The following SLC48A1 variants were observed in gnomAD, a reference collection of about 807,000 sequenced individuals.
SLC48A1 encodes the protein solute carrier family 48 member 1.
Under a neutral mutation model 14.8 loss-of-function variants are expected in SLC48A1, and 6 were observed. That is an observed-to-expected ratio of 0.41 (90% CI 0.22 to 0.80). The LOEUF (loss-of-function observed/expected upper bound fraction) is 0.80. Ranked by LOEUF, SLC48A1 falls within the 30% of genes least tolerant of loss-of-function variation. The pLI, the probability that SLC48A1 is intolerant of heterozygous loss-of-function variation, is 0.34. For synonymous variants in SLC48A1, 89 were observed against 90.0 expected, an observed-to-expected ratio of 0.99 and a Z score of 0.06; for missense variants, 165 against 204.8, an observed-to-expected ratio of 0.81 and a Z score of 1.19.
chr12:47,762,983 C>A (rs1040263136), intron 2 of SLC48A1, among the ~76,000 whole-genome samples: 1 of 152,202 alleles, frequency 6.6e-6, no homozygotes, highest in African/African-American at 2.4e-5. Flanking sequence ...TTGGAATTAT[C>A]TTTTATCTCC....
chr12:47,758,315 C>A (rs1435859749), upstream of SLC48A1: 5 of 1,434,508 alleles, frequency 3.5e-6, no homozygotes, highest in African/African-American at 1.4e-5. Flanking sequence ...CCTTCTTAGT[C>A]CTCTTTGGAA....
chr12:47,773,088 G>A (rs1433698641), upstream of SLC48A1: 8 of 615,572 alleles, frequency 1.3e-5, no homozygotes, highest in Non-Finnish European at 1.4e-5. Context: ...CAAACGACAC[G>A]GCAGCTTCGC....
rs1202990992 is a variant in SLC48A1 at position 47,777,728 on chromosome 12, CT to C, written c.137-1298del. Among the ~76,000 whole-genome samples the C allele has an allele frequency of 2.0e-5, 3 of 152,218 alleles. No individual in the cohort carries two copies. Among genetic ancestry groups the C allele is most frequent in the African/African-American group, 7.2e-5 (3 of 41,438 alleles). The stretch of plus-strand genomic sequence containing the variant: ...AAGGATAGATGATTTAACAAACACC[CT>C]TATAACCCAGCCTGAGAAAACAGCG... On this transcript the variant is annotated intron_variant, in intron 1 of 2. Transcript: ENST00000442218. This position sits in a 1 kb window ranked among gnomAD's most constrained non-coding sequence, Gnocchi z 4.5.
chr12:47,763,729 T>C (rs1942444389), intron 2 of SLC48A1, among the ~76,000 whole-genome samples: 1 of 152,144 alleles, frequency 6.6e-6, no homozygotes, highest in Non-Finnish European at 1.5e-5. Context: ...CAGTCACTCA[T>C]GAGCCACTTA....
intron 1 of SLC48A1, among the ~76,000 whole-genome samples, chr12:47,759,341 C>T (rs1286372793): frequency 6.6e-6 from 1 of 152,228 alleles, no homozygotes; most frequent in African/African-American, 2.4e-5. Context: ...AGGGAATAGG[C>T]GGCTTTCCCG....
chr12:47,770,748 G>A (rs1290709511), upstream of SLC48A1: 2 of 449,692 alleles, frequency 4.4e-6, no homozygotes, highest in Admixed American at 2.4e-5. Context: ...AGGGGAGGGG[G>A]ACAGCCTTCT....
At chr12:47,763,093 T>C (rs1021870717) in intron 2 of SLC48A1, among the ~76,000 whole-genome samples, 6 of 152,174 alleles carry the variant, frequency 3.9e-5, no homozygotes, top group African/African-American at 1.4e-4. Flanking sequence ...ACAGGAACAG[T>C]GGGCAGTCAG....
chr12:47,776,714 C>A (rs559767699), intron 1 of SLC48A1, among the ~76,000 whole-genome samples: 14 of 152,300 alleles, frequency 9.2e-5, no homozygotes, highest in African/African-American at 3.4e-4. Context: ...CCCCAAATGG[C>A]TGTCTTCCTC....
chr12:47,780,135 C>A lies in SLC48A1; in HGVS notation c.305-10C>A. 6.4e-7 allele frequency: 1 copy of A among 1,566,508 alleles called. No homozygotes were observed. Among genetic ancestry groups the A allele is most frequent in the Admixed American group, 1.9e-5 (1 of 53,944 alleles). ...TGCCAAAGTCACTGTCGGTACTTCT[C>A]TCCCTGCAGGCCTCACAGACCCCAC... On this transcript the variant is annotated splice_polypyrimidine_tract_variant and intron_variant, in intron 2 of 2. Coordinates refer to ENST00000442218, the MANE Select transcript of SLC48A1 (RefSeq NM_017842.3).
chr12:47,772,263 T>G (rs980597565), upstream of SLC48A1: 3 of 154,846 alleles, frequency 1.9e-5, no homozygotes, highest in African/African-American at 4.8e-5. Flanking sequence ...GGCCGGAAGC[T>G]GGGCTCACGT....
chr12:47,773,809 AACACAC>A (rs34356737), intron 1 of SLC48A1, among the ~76,000 whole-genome samples: 110 of 150,718 alleles, frequency 7.3e-4, no homozygotes, highest in African/African-American at 2.6e-3. Flanking sequence ...CCTATCCCCA[AACACAC>A]ACACACACAC....
chr12:47,764,884 C>A (rs964653408), intron 2 of SLC48A1, among the ~76,000 whole-genome samples: 4 of 151,928 alleles, frequency 2.6e-5, no homozygotes, highest in Non-Finnish European at 5.9e-5. Context: ...CGAGACCATC[C>A]TGGCCAACAT....
upstream of SLC48A1, chr12:47,757,853 G>A: frequency 6.5e-7 from 1 of 1,549,670 alleles, no homozygotes; most frequent in Non-Finnish European, 8.7e-7. Flanking sequence ...CTGGGCAGGT[G>A]AAAGGTACTC....
At position 47,773,268 on chromosome 12, in the gene SLC48A1, C is replaced by T. The variant is rs937549102; in HGVS notation, c.-37C>T. 19 of 1,325,272 alleles carry T rather than the reference C, an allele frequency of 1.4e-5. No individual in the cohort carries two copies. The African/African-American group carries it at 1.7e-4, about 12-fold the overall frequency. The allele number at this position is 1,325,272 out of a possible 1,614,324, so 82.1% of individuals were successfully genotyped here. A position where few individuals can be genotyped will look rare whatever the true frequency, so the allele number is the denominator to read the frequency against. On this transcript the variant is annotated 5_prime_UTR_variant, in exon 1 of 3. Transcript: ENST00000442218. Reference sequence around the variant, plus strand: ...CGGGCCCTGCACCTGTGACTCTCGGCCGCGCTCGCCCTCGGCCCGCCCGGC... The same window carrying T: ...CGGGCCCTGCACCTGTGACTCTCGGTCGCGCTCGCCCTCGGCCCGCCCGGC...
upstream of SLC48A1, among the ~76,000 whole-genome samples, chr12:47,754,954 C>A (rs989716412): frequency 5.9e-5 from 9 of 152,222 alleles, no homozygotes; most frequent in African/African-American, 2.2e-4. Context: ...CAGAGCTGGG[C>A]TGGAGAGACA....
chr12:47,761,561 T>C (rs1352263290), intron 2 of SLC48A1, among the ~76,000 whole-genome samples: 1 of 152,210 alleles, frequency 6.6e-6, no homozygotes, highest in African/African-American at 2.4e-5. Flanking sequence ...TCAGGATCCC[T>C]GGATGGGGAC....
intron 2 of SLC48A1, 21 bp from the exon 3 acceptor site, chr12:47,780,124 T>C (rs1942835026): frequency 6.5e-7 from 1 of 1,539,562 alleles, no homozygotes; most frequent in East Asian, 2.3e-5. Flanking sequence ...AAAGTCACTG[T>C]CGGTACTTCT....
At chr12:47,765,484 G>A (rs1256332271) in intron 2 of SLC48A1, among the ~76,000 whole-genome samples, 1 of 152,244 alleles carries the variant, frequency 6.6e-6, no homozygotes, top group African/African-American at 2.4e-5. Flanking sequence ...ACACTGCAGG[G>A]CTGGACCGAA....
chr12:47,772,569 C>T (rs561069431), upstream of SLC48A1, among the ~76,000 whole-genome samples: 8 of 152,174 alleles, frequency 5.3e-5, no homozygotes, highest in Admixed American at 1.3e-4. Context: ...GTCCTGGCTG[C>T]TTGGAAGGCT....
Sources: gnomAD v4.1 joint callset for allele counts (sites outside exome capture counted in the v4.1 genomes callset) on GRCh38, gnomAD v4.1.1 for gene constraint, Gnocchi (gnomAD v3.1) non-coding constraint, MANE v1.5 for transcripts, NCBI Gene and HGNC (gene_info 2026-07-23, HGNC 2026-07-21) for gene names.